SPTB: variants seen among roughly 807,000 people sequenced by gnomAD.
The protein encoded by SPTB is spectrin beta, erythrocytic, also known as spectrin beta chain, erythrocytic.
SPTB carries 45 observed loss-of-function variants against 256.2 expected under a neutral mutation model. The ratio of observed to expected loss-of-function variants is 0.18; its 90% CI spans 0.14 to 0.23. The LOEUF is 0.23. Among genes scored for constraint, SPTB ranks in the 10% least tolerant of loss-of-function variants. The probability of loss-of-function intolerance (pLI) is 1.00; values close to 1 mark genes in which losing one functional copy is unlikely to be tolerated. For synonymous variants in SPTB, 1,231 were observed against 1,243.1 expected (o/e 0.99, Z 0.21); for missense variants, 2,715 against 3,040.4 (o/e 0.89, Z 2.52).
rs1341690684 is a variant in SPTB, at chr14:64,749,102, CAGCGCG to C, written c.*198_*203del. On this transcript the variant is annotated 3_prime_UTR_variant, in exon 36 of 36. Transcript: ENST00000644917. This position sits in a 1 kb window ranked among gnomAD's most constrained non-coding sequence, Gnocchi z 4.7. ...GGAGCCCCTGTCCCTGGAGCGGAGC[CAGCGCG>C]GGCGAGGGCATGGAGGGGGCGTCGG... The C allele has an allele frequency of 5.6e-6, 3 of 534,554 alleles. No homozygotes were observed. Among genetic ancestry groups the C allele is most frequent in the Non-Finnish European group, 6.4e-6 (2 of 313,970 alleles). 33.1% of individuals were successfully genotyped at this position (534,554 alleles called of 1,614,324 possible).
chr14:64,783,288 C>T (rs1308510878), intron 19 of SPTB, among the ~76,000 whole-genome samples: 1 of 152,046 alleles, frequency 6.6e-6, no homozygotes, highest in Admixed American at 6.6e-5. Context: ...ACTGCAACCT[C>T]CGCCCCCCAG....
At chr14:64,784,222 C>T (rs376421708) in intron 19 of SPTB, 25 bp downstream of exon 19, 16 of 1,613,960 alleles carry the variant, frequency 9.9e-6, no homozygotes, top group Non-Finnish European at 1.3e-5. Flanking sequence ...AGAGCACCCA[C>T]CCGCCGCCCA....
At position 64,785,733 on chromosome 14, in the gene SPTB, T is replaced by C. The variant is rs765509128; in HGVS notation, c.3764+16A>G. 1 of 1,614,114 alleles carries C rather than the reference T, an allele frequency of 6.2e-7. No homozygotes were observed. Among genetic ancestry groups the C allele is most frequent in the East Asian group, 2.2e-5 (1 of 44,878 alleles). ...TGTGGCTCTGGGGGCCTCGTGGCCC[T>C]GGGGCCCGGGAGTACCTGTCCTCAA... On this transcript the variant is annotated intron_variant, in intron 17 of 35. Transcript: ENST00000644917. This position sits in a 1 kb window ranked among gnomAD's most constrained non-coding sequence, Gnocchi z 4.4.
At chr14:64,860,471 C>G (rs2083949574) in intron 1 of SPTB, among the ~76,000 whole-genome samples, 1 of 151,978 alleles carries the variant, frequency 6.6e-6, no homozygotes, top group Non-Finnish European at 1.5e-5. Context: ...GGAAGGAACA[C>G]CCAGGTAGGC....
At chr14:64,799,536 G>A (rs572073944) in intron 9 of SPTB, among the ~76,000 whole-genome samples, 11 of 152,348 alleles carry the variant, frequency 7.2e-5, no homozygotes, top group African/African-American at 2.2e-4. Flanking sequence ...GTCGTGAGTC[G>A]AGGTTTCTCA....
rs2082287082 is a variant in SPTB, at chr14:64,772,152, A to G, written c.5553+428T>C. Among the ~76,000 whole-genome samples the G allele has an allele frequency of 1.3e-5, 2 of 152,112 alleles. No homozygotes were observed. The highest frequency in any genetic ancestry group is 2.9e-5 in the Non-Finnish European group (2 of 68,010). ...TGAGCCCTGGCTCCACTTCGTACCT[A>G]CATGTTCCTGGGAAACTTATGGGTC... On this transcript the variant is annotated intron_variant, in intron 26 of 35. Transcript: ENST00000644917. This position sits in a 1 kb window ranked among gnomAD's most constrained non-coding sequence, Gnocchi z 5.4.
chr14:64,830,385 T>C (rs2083437344), intron 1 of SPTB, among the ~76,000 whole-genome samples: 1 of 148,910 alleles, frequency 6.7e-6, no homozygotes. Flanking sequence ...TATTATTTTA[T>C]TTTATTTTTT....
intron 27 of SPTB, among the ~76,000 whole-genome samples, chr14:64,770,135 A>G (rs905754579): frequency 1.3e-5 from 2 of 152,314 alleles, no homozygotes; most frequent in African/African-American, 4.8e-5. Flanking sequence ...ATCTAGAGAG[A>G]CAGAAAGTTG....
At chr14:64,774,279 G>T in intron 24 of SPTB, 118 bp downstream of exon 24, 1 of 1,362,232 alleles carries the variant, frequency 7.3e-7, no homozygotes, top group Non-Finnish European at 9.8e-7. Flanking sequence ...ATTTTCTCCA[G>T]CCCTATTTGA....
intron 2 of SPTB, among the ~76,000 whole-genome samples, chr14:64,805,833 G>A (rs2082972992): frequency 6.6e-6 from 1 of 152,228 alleles, no homozygotes; most frequent in Non-Finnish European, 1.5e-5. Flanking sequence ...ATGAGCAAGG[G>A]AACAGGATAT....
In SPTB at chr14:64,805,033, G is replaced by C; in HGVS notation, c.206C>G (p.Ala69Gly). The C allele has an allele frequency of 6.2e-7, 1 of 1,613,766 alleles. No homozygotes were observed. Among genetic ancestry groups the C allele is most frequent in the Non-Finnish European group, 8.5e-7 (1 of 1,179,902 alleles). The part of the protein sequence containing the change: ...TFTKWVNSHL[A>G]RVSCRITDLY... ...ATCGGTGATGCGGCAGGACACTCGAGCCAGGTGCGAGTTCACCCATTTCGT... is the reference window on the plus strand; with the variant it reads ...ATCGGTGATGCGGCAGGACACTCGACCCAGGTGCGAGTTCACCCATTTCGT... The change falls in exon 3 of 36, where the codon GCT becomes GGT. Residue 69 changes from alanine to glycine, a missense_variant. Physicochemically the swap from Ala to Gly is moderately conservative, Grantham distance 60. Coordinates refer to ENST00000644917, the MANE Select transcript of SPTB (RefSeq NM_001355436.2).
intron 32 of SPTB, chr14:64,755,686 G>A (rs184117633): frequency 1.3e-5 from 2 of 152,256 alleles, no homozygotes; most frequent in Non-Finnish European, 2.9e-5. Flanking sequence ...ACACCCCAGA[G>A]ACCATCCAAA....
At position 64,775,115 on chromosome 14, in the gene SPTB, C is replaced by T; in HGVS notation, c.4842+10G>A. ...GGGCACCCTGGCTGGTATCCCCTGC[C>T]CGAACAGACCTTGGGGATCTCATCG... On this transcript the variant is annotated intron_variant, in intron 23 of 35. Transcript: ENST00000644917. This position sits in a 1 kb window ranked among gnomAD's most constrained non-coding sequence, Gnocchi z 5.0. 1 of 1,613,868 alleles carries T rather than the reference C, an allele frequency of 6.2e-7. No homozygotes were observed. Among genetic ancestry groups the T allele is most frequent in the Non-Finnish European group, 8.5e-7 (1 of 1,180,020 alleles).
At position 64,822,101 on chromosome 14, in the gene SPTB, T is replaced by A. The variant is rs143320553; in HGVS notation, c.148+846A>T. Among the ~76,000 whole-genome samples the A allele has an allele frequency of 2.7e-3, 408 of 151,886 alleles. 1 individual carries two copies. Among genetic ancestry groups the A allele is most frequent in the African/African-American group, 9.4e-3 (388 of 41,432 alleles). ...GTCAATGATAGGGAAACAGGTCCAG[T>A]GTGGGCTGCTGACTGGTGGATCAGG... On this transcript the variant is annotated intron_variant, in intron 2 of 35. Transcript: ENST00000644917.
chr14:64,811,999 A>C (rs896769868), intron 2 of SPTB, among the ~76,000 whole-genome samples: 1 of 152,202 alleles, frequency 6.6e-6, no homozygotes, highest in African/African-American at 2.4e-5. Context: ...AGATCTATTC[A>C]TACACTGGTA....
chr14:64,764,655 G>A lies in SPTB; in HGVS notation c.6345+2071C>T, dbSNP rs1432442120. On this transcript the variant is annotated intron_variant, in intron 32 of 35. Transcript: ENST00000644917. The surrounding 1 kb of genome is among the most constrained non-coding windows in gnomAD (Gnocchi z 4.2). ...CACAGACACAGATGACACAGACAGT[G>A]GATGGAGTCGCTCTGGTGCTCACAG... Among the ~76,000 whole-genome samples the A allele has an allele frequency of 6.6e-6, 1 of 152,210 alleles. No individual in the cohort carries two copies. The highest frequency in any genetic ancestry group is 2.4e-5 in the African/African-American group (1 of 41,454).
rs1754384727 is a variant in SPTB, at chr14:64,763,612, G to GGGATTA, written c.6345+3108_6345+3113dup. The stretch of plus-strand genomic sequence containing the variant: ...GCTTTATAAGAGCGCGGAGACTCAG[G>GGGATTA]GGATTAGGTGGTTTTTATCTCAAAT... On this transcript the variant is annotated intron_variant, in intron 32 of 35. Coordinates refer to ENST00000644917, the MANE Select transcript of SPTB (RefSeq NM_001355436.2). 14 of 440,562 alleles carry GGGATTA rather than the reference G, an allele frequency of 3.2e-5. 1 individual carries two copies. The highest frequency in any genetic ancestry group is 2.3e-4 in the South Asian group (14 of 60,650). 27.3% of individuals were successfully genotyped at this position (440,562 alleles called of 1,614,324 possible). A position where few individuals can be genotyped will look rare whatever the true frequency, so the allele number is the denominator to read the frequency against.
At chr14:64,794,892 T>C (rs1247574273) in intron 12 of SPTB, among the ~76,000 whole-genome samples, 1 of 152,186 alleles carries the variant, frequency 6.6e-6, no homozygotes, top group Non-Finnish European at 1.5e-5. Flanking sequence ...GCCATGTGTA[T>C]TTTCACAAAG....
intron 1 of SPTB, among the ~76,000 whole-genome samples, chr14:64,865,776 G>C (rs1882146822): frequency 6.6e-6 from 1 of 152,176 alleles, no homozygotes; most frequent in Non-Finnish European, 1.5e-5. Flanking sequence ...TCTCTGCCTT[G>C]CAGAGGATAC....
Sources: gnomAD v4.1 joint callset for allele counts (sites outside exome capture counted in the v4.1 genomes callset) on GRCh38, gnomAD v4.1.1 for gene constraint, Gnocchi (gnomAD v3.1) non-coding constraint, MANE v1.5 for transcripts, NCBI Gene and HGNC (gene_info 2026-07-23, HGNC 2026-07-21) for gene names.